Variants in ZNF469 observed in about 807,000 individuals in gnomAD.
ZNF469 encodes the protein zinc finger protein 469.
ZNF469 carries 1 observed loss-of-function variant against 1.0 expected under a neutral mutation model. The observed-to-expected ratio is 1.00, with a 90% CI of 0.35 to 4.73. The LOEUF is 4.73. Ranked by LOEUF, ZNF469 falls within the 30% of genes most tolerant of loss-of-function variation. The probability of loss-of-function intolerance (pLI) is 0.16; values close to 1 mark genes in which losing one functional copy is unlikely to be tolerated. For synonymous variants in ZNF469, 2,703 were observed against 2,363.4 expected (o/e 1.14, Z -4.17); for missense variants, 6,100 against 5,356.3 (o/e 1.14, Z -4.33).
At chr16:88,387,668 A>C (rs140726782) in intron 1 of ZNF469, among the ~76,000 whole-genome samples, 1 of 152,164 alleles carries the variant, frequency 6.6e-6, no homozygotes, top group Non-Finnish European at 1.5e-5. Flanking sequence ...AGAATTCCAA[A>C]TATAAGCTGT....
the ZNF469 span, among the ~76,000 whole-genome samples, chr16:88,345,835 C>G: frequency 4.6e-5 from 7 of 152,052 alleles, no homozygotes; most frequent in Non-Finnish European, 1.0e-4. Flanking sequence ...CCCGCCAGGC[C>G]CCACCGAGGC....
chr16:88,370,073 G>C, the ZNF469 span, among the ~76,000 whole-genome samples: 2 of 152,336 alleles, frequency 1.3e-5, no homozygotes, highest in Admixed American at 1.3e-4. Flanking sequence ...TTGATCCTGT[G>C]GCCGGGATGT....
At chr16:88,251,173 C>T in the ZNF469 span, among the ~76,000 whole-genome samples, 2 of 152,170 alleles carry the variant, frequency 1.3e-5, no homozygotes, top group Non-Finnish European at 2.9e-5. Context: ...CCACCGCGCC[C>T]GGCCTGTTTG....
chr16:88,125,033 T>G, the ZNF469 span, among the ~76,000 whole-genome samples: 1 of 152,214 alleles, frequency 6.6e-6, no homozygotes, highest in Non-Finnish European at 1.5e-5. Context: ...TATAATTAGA[T>G]CTATGCTCCA....
At chr16:88,427,284 CCT>C (rs1277419244) in intron 2 of ZNF469, among the ~76,000 whole-genome samples, 59 bp from the exon 3 acceptor site, 1 of 152,154 alleles carries the variant, frequency 6.6e-6, no homozygotes, top group Non-Finnish European at 1.5e-5. Flanking sequence ...CTAGAAGCTC[CCT>C]GTCTAGGCGA....
the ZNF469 span, among the ~76,000 whole-genome samples, chr16:88,324,045 A>G: frequency 2.0e-5 from 3 of 152,216 alleles, no homozygotes; most frequent in Non-Finnish European, 4.4e-5. Flanking sequence ...CCTCAGTGAC[A>G]CAGGCTTCAG....
Position 88,438,652 on chromosome 16 carries a change from C to G in ZNF469, c.11182C>G (p.Pro3728Ala). ...GAAGCCCGCCACCCCCAAAGCCAAACCCGGCCCCAGCTCCCAGGGCAGTGG... is the reference window on the plus strand; with the variant it reads ...GAAGCCCGCCACCCCCAAAGCCAAAGCCGGCCCCAGCTCCCAGGGCAGTGG... Reference protein sequence around the residue: ...GMKPATPKAKPGPSSQGSGSP... With the variant: ...GMKPATPKAKAGPSSQGSGSP... Residue 3728 changes from proline to alanine, a missense_variant, in exon 3 of 3, where the codon CCC (proline) becomes GCC (alanine). Pro to Ala is a conservative substitution (Grantham distance 27). Transcript: ENST00000565624. 4 of 1,550,092 alleles carry G rather than the reference C, an allele frequency of 2.6e-6. No homozygotes were observed. Among genetic ancestry groups the G allele is most frequent in the Middle Eastern group, 1.7e-4 (1 of 5,990 alleles).
chr16:88,298,121 C>T, the ZNF469 span, among the ~76,000 whole-genome samples: 1 of 152,228 alleles, frequency 6.6e-6, no homozygotes, highest in African/African-American at 2.4e-5. Flanking sequence ...CCCCGCCATC[C>T]TCTTGACAGT....
the ZNF469 span, among the ~76,000 whole-genome samples, chr16:88,340,985 G>A: frequency 6.6e-6 from 1 of 152,136 alleles, no homozygotes; most frequent in Non-Finnish European, 1.5e-5. Context: ...GGGCAAAGCG[G>A]TCCAGGCTGG....
chr16:88,398,349 C>T (rs115186762), intron 1 of ZNF469, among the ~76,000 whole-genome samples: 12 of 151,032 alleles, frequency 7.9e-5, no homozygotes, highest in East Asian at 3.9e-4. Flanking sequence ...TGAAGGGACA[C>T]GTGAGCCACG....
intron 1 of ZNF469, among the ~76,000 whole-genome samples, chr16:88,423,054 T>A (rs981385115): frequency 2.0e-5 from 3 of 149,026 alleles, no homozygotes; most frequent in Admixed American, 6.6e-5. Flanking sequence ...GGTGGATGGA[T>A]GGGTAGATGA....
the ZNF469 span, among the ~76,000 whole-genome samples, chr16:88,147,273 C>A: frequency 6.6e-6 from 1 of 152,090 alleles, no homozygotes; most frequent in South Asian, 2.1e-4. Context: ...TCCCCTGGAG[C>A]CTCCGGGAGC....
Position 88,435,428 on chromosome 16 carries a change from C to G in ZNF469, c.7958C>G (p.Ala2653Gly), listed in dbSNP as rs773376777. The G allele has an allele frequency of 5.8e-6, 9 of 1,550,236 alleles. No homozygotes were observed. The East Asian group carries it at 2.2e-4, about 38-fold the overall frequency. Residue 2653 changes from alanine (A) to glycine (G), a missense_variant, in exon 3 of 3, where the codon GCT becomes GGT. Physicochemically the swap from Ala to Gly is moderately conservative, Grantham distance 60 (BLOSUM62 0). Coordinates refer to ENST00000565624, the MANE Select transcript of ZNF469 (RefSeq NM_001367624.2). The stretch of plus-strand genomic sequence containing the variant: ...GAGGAGAGCATTCTTCCAGTCTCTG[C>G]TGATGTGATTTCAGATGGGCGCGGC... ...LREESILPVS[A>G]DVISDGRGSR...
the ZNF469 span, among the ~76,000 whole-genome samples, chr16:88,272,075 A>G: frequency 2.6e-5 from 4 of 151,358 alleles, no homozygotes; most frequent in African/African-American, 9.8e-5. Flanking sequence ...AGATGGATAG[A>G]TAAATGGGTG....
the ZNF469 span, among the ~76,000 whole-genome samples, chr16:88,305,379 C>G: frequency 2.7e-5 from 4 of 149,244 alleles, no homozygotes; most frequent in Non-Finnish European, 4.5e-5. Flanking sequence ...CACACGCATG[C>G]ACACCCTCAC....
At chr16:88,122,574 C>T in the ZNF469 span, among the ~76,000 whole-genome samples, 9 of 151,644 alleles carry the variant, frequency 5.9e-5, no homozygotes, top group South Asian at 2.1e-4. Context: ...TCACTCACTA[C>T]GGCCACGGCA....
At chr16:88,142,355 C>T in the ZNF469 span, among the ~76,000 whole-genome samples, 1 of 152,242 alleles carries the variant, frequency 6.6e-6, no homozygotes, top group Non-Finnish European at 1.5e-5. Flanking sequence ...GGCCCTGGCC[C>T]TGCCATCCAG....
chr16:88,421,268 G>C (rs1045928946), intron 1 of ZNF469, among the ~76,000 whole-genome samples: 2 of 152,228 alleles, frequency 1.3e-5, no homozygotes, highest in Admixed American at 6.5e-5. Context: ...AGAGCGCTTG[G>C]CCGGCTAAAG....
chr16:88,423,085 T>G lies in ZNF469; in HGVS notation c.-191-1722T>G, dbSNP rs551620233. The stretch of plus-strand genomic sequence containing the variant: ...GATGATGGATGGGTAGATAGATGGA[T>G]GATGATGATGATGGATGGATGGGTG... On this transcript the variant is annotated intron_variant, in intron 1 of 2. Transcript: ENST00000565624. Among the ~76,000 whole-genome samples, 61 of 129,072 alleles carry G rather than the reference T, an allele frequency of 4.7e-4. 3 individuals are homozygous for G. In the South Asian group the frequency reaches 0.015, roughly 31 times the overall value. 84.7% of individuals were successfully genotyped at this position (129,072 alleles called of 152,430 possible). A position where few individuals can be genotyped will look rare whatever the true frequency, so the allele number is the denominator to read the frequency against.
Sources: gnomAD v4.1 joint callset for allele counts (sites outside exome capture counted in the v4.1 genomes callset) on GRCh38, gnomAD v4.1.1 for gene constraint, MANE v1.5 for transcripts, NCBI Gene and HGNC (gene_info 2026-07-23, HGNC 2026-07-21) for gene names.